Variants in EIF3H observed in about 807,000 individuals in gnomAD.
EIF3H encodes eukaryotic translation initiation factor 3 subunit H, also known as eIF-3-gamma.
A neutral mutation model predicts 44.2 loss-of-function variants in EIF3H; 26 were observed. The observed-to-expected ratio is 0.59, with a 90% confidence interval of 0.43 to 0.82. The LOEUF (loss-of-function observed/expected upper bound fraction) is 0.82. Ranked by LOEUF, EIF3H falls within the 40% of genes least tolerant of loss-of-function variation. The pLI, the probability that EIF3H is intolerant of heterozygous loss-of-function variation, is 0.00. For missense variants in EIF3H, 359 were observed against 432.8 expected, an observed-to-expected ratio of 0.83 and a Z score of 1.51; for synonymous variants, 166 against 151.9, an observed-to-expected ratio of 1.09 and a Z score of -0.68.
chr8:116,755,752 T>C lies in EIF3H; in HGVS notation c.46A>G (p.Ser16Gly). 6.2e-7 allele frequency: 1 copy of C among 1,614,082 alleles called. No individual in the cohort carries two copies. Residue 16 changes from serine (S) to glycine (G), a missense_variant, in exon 1 of 8, where the codon AGC becomes GGC. Ser to Gly is a moderately conservative substitution (Grantham distance 56, BLOSUM62 0). This residue lies in a region of EIF3H where 59 missense variants were observed against 33.5 expected (regional missense o/e 1.76). Coordinates refer to ENST00000521861, the MANE Select transcript of EIF3H (RefSeq NM_003756.3). Reference protein sequence around the residue: ...EGTGSTATSSSSTAGAAGKGK... With the variant: ...EGTGSTATSSGSTAGAAGKGK... ...TTCCCTGCTGCGCCGGCGGTGGAGC[T>C]GGAAGAGGTGGCAGTAGAGCCGGTA...
intron 1 of EIF3H, among the ~76,000 whole-genome samples, chr8:116,739,361 T>C (rs1378287698): frequency 6.6e-6 from 1 of 152,180 alleles, no homozygotes; most frequent in Admixed American, 6.5e-5. Flanking sequence ...TGTCAATAAA[T>C]ATGTGGCGGC....
At chr8:116,685,716 GCAGC>G (rs1814064471) in intron 2 of EIF3H, among the ~76,000 whole-genome samples, 1 of 152,172 alleles carries the variant, frequency 6.6e-6, no homozygotes, top group African/African-American at 2.4e-5. Flanking sequence ...ACAATGCTCA[GCAGC>G]CTTGCTCCTC....
chr8:116,651,337 C>T (rs1201193123), intron 5 of EIF3H, among the ~76,000 whole-genome samples: 2 of 152,178 alleles, frequency 1.3e-5, no homozygotes, highest in East Asian at 1.9e-4. Context: ...TGGAGGGTGA[C>T]TCCCAGTCTT....
At chr8:116,739,433 G>A (rs1216112655) in intron 1 of EIF3H, among the ~76,000 whole-genome samples, 2 of 152,150 alleles carry the variant, frequency 1.3e-5, no homozygotes, top group Non-Finnish European at 2.9e-5. Context: ...GGCAGATCAC[G>A]AGGTCAGGAG....
In EIF3H at chr8:116,694,985, G is replaced by A. The variant is rs74971457; in HGVS notation, c.289+31031C>T. Reference sequence around the variant, plus strand: ...CTCTGTTTATCCCATGGTCCTGCCCGCTGTCTTTAAAAAGAAAGTGAAACA... The same window carrying A: ...CTCTGTTTATCCCATGGTCCTGCCCACTGTCTTTAAAAAGAAAGTGAAACA... On this transcript the variant is annotated intron_variant, in intron 2 of 7. Transcript: ENST00000521861. Among the ~76,000 whole-genome samples, 12 of 151,738 alleles carry A rather than the reference G, an allele frequency of 7.9e-5. No individual in the cohort carries two copies. The East Asian group carries it at 1.4e-3, about 17-fold the overall frequency.
chr8:116,741,297 T>G (rs1280671259), intron 1 of EIF3H, among the ~76,000 whole-genome samples: 1 of 152,170 alleles, frequency 6.6e-6, no homozygotes, highest in East Asian at 1.9e-4. Context: ...TTATAACTTA[T>G]TAACCCAACT....
intron 2 of EIF3H, among the ~76,000 whole-genome samples, chr8:116,722,588 A>G (rs1814768186): frequency 6.6e-6 from 1 of 152,180 alleles, no homozygotes; most frequent in African/African-American, 2.4e-5. Context: ...ATCAGTATGT[A>G]GTATTATATT....
chr8:116,669,723 T>G (rs1175266744), intron 2 of EIF3H, among the ~76,000 whole-genome samples: 1 of 152,206 alleles, frequency 6.6e-6, no homozygotes, highest in Non-Finnish European at 1.5e-5. Flanking sequence ...TTTTGAAGAC[T>G]ATCCTTAACT....
At chr8:116,661,270 A>T (rs945199909) in intron 2 of EIF3H, among the ~76,000 whole-genome samples, 13 of 152,236 alleles carry the variant, frequency 8.5e-5, no homozygotes, top group African/African-American at 2.9e-4. Context: ...GGGAAAGGGA[A>T]GAGGAGAGAT....
intron 2 of EIF3H, among the ~76,000 whole-genome samples, chr8:116,676,419 T>C (rs1443363201): frequency 6.6e-6 from 1 of 152,112 alleles, no homozygotes; most frequent in Non-Finnish European, 1.5e-5. Flanking sequence ...CAAGACAACT[T>C]CTTCACAAGA....
intron 2 of EIF3H, chr8:116,689,050 A>G (rs1814128383): frequency 6.9e-6 from 3 of 434,948 alleles, no homozygotes; most frequent in Non-Finnish European, 1.4e-5. Flanking sequence ...CAGATGAATA[A>G]CAAAAACGTA....
intron 2 of EIF3H, among the ~76,000 whole-genome samples, chr8:116,709,402 G>C (rs577490171): frequency 1.6e-4 from 24 of 152,244 alleles, no homozygotes; most frequent in African/African-American, 5.5e-4. Flanking sequence ...CTATATAAGG[G>C]TATGTTAATT....
intron 2 of EIF3H, among the ~76,000 whole-genome samples, chr8:116,716,019 T>C (rs1814654093): frequency 6.8e-6 from 1 of 147,358 alleles, no homozygotes; most frequent in Non-Finnish European, 1.5e-5. Context: ...TTACCACATG[T>C]GCAAAAACAA....
At chr8:116,658,741 G>A in intron 3 of EIF3H, 72 bp downstream of exon 3, 1 of 1,506,488 alleles carries the variant, frequency 6.6e-7, no homozygotes, top group South Asian at 1.3e-5. Context: ...GCTCTTAGAG[G>A]CAAAAAGGAC....
intron 1 of EIF3H, among the ~76,000 whole-genome samples, chr8:116,731,821 G>T (rs1814954559): frequency 6.6e-6 from 1 of 152,150 alleles, no homozygotes; most frequent in Non-Finnish European, 1.5e-5. Flanking sequence ...GGTAAATGAG[G>T]ATTCTTCCAT....
intron 2 of EIF3H, among the ~76,000 whole-genome samples, chr8:116,668,534 C>T (rs1440093735): frequency 6.6e-6 from 1 of 152,162 alleles, no homozygotes; most frequent in Admixed American, 6.5e-5. Flanking sequence ...TTCCCATAGT[C>T]ACCTATAACC....
chr8:116,716,602 G>A (rs974342742), intron 2 of EIF3H, among the ~76,000 whole-genome samples: 3 of 152,016 alleles, frequency 2.0e-5, no homozygotes, highest in Admixed American at 2.0e-4. Context: ...AGAACAATAA[G>A]ACATGAAGTT....
intron 1 of EIF3H, among the ~76,000 whole-genome samples, chr8:116,741,538 TA>T (rs1355524782): frequency 1.3e-5 from 2 of 152,148 alleles, no homozygotes; most frequent in Admixed American, 1.3e-4. Flanking sequence ...AAGTCTGAAA[TA>T]AAAAAGACAA....
At chr8:116,754,353 C>G (rs1161124020) in intron 1 of EIF3H, among the ~76,000 whole-genome samples, 1 of 152,132 alleles carries the variant, frequency 6.6e-6, no homozygotes, top group Non-Finnish European at 1.5e-5. Context: ...CCTCCTGATC[C>G]GCCCGCCTCG....
Sources: gnomAD v4.1 joint callset for allele counts (sites outside exome capture counted in the v4.1 genomes callset) on GRCh38, gnomAD v4.1.1 for gene constraint, gnomAD v4.1.1 regional missense constraint, MANE v1.5 for transcripts, NCBI Gene and HGNC (gene_info 2026-07-23, HGNC 2026-07-21) for gene names.